Variants in CNOT6 observed in about 807,000 individuals in gnomAD.
CNOT6 encodes carbon catabolite repression 4 protein.
Under a neutral mutation model 61.2 loss-of-function variants are expected in CNOT6, and 12 were observed. That is an observed-to-expected ratio of 0.20 (90% CI 0.13 to 0.32). CNOT6 has a LOEUF of 0.32. Ranked by LOEUF, CNOT6 falls within the 10% of genes least tolerant of loss-of-function variation. CNOT6 has a pLI of 1.00. For missense variants in CNOT6, 405 were observed against 663.9 expected, an observed-to-expected ratio of 0.61 and a Z score of 4.28; for synonymous variants, 225 against 240.6, an observed-to-expected ratio of 0.94 and a Z score of 0.60.
intron 2 of CNOT6, among the ~76,000 whole-genome samples, chr5:180,541,966 T>C (rs1307335491): frequency 6.6e-6 from 1 of 151,982 alleles, no homozygotes; most frequent in Admixed American, 6.6e-5. Flanking sequence ...GCAATCCTTC[T>C]GCCTTCCTAG....
At chr5:180,529,937 A>G (rs189215238) in intron 2 of CNOT6, among the ~76,000 whole-genome samples, 2 of 152,332 alleles carry the variant, frequency 1.3e-5, no homozygotes, top group Admixed American at 1.3e-4. Flanking sequence ...TTTTAATGCA[A>G]TCTGGACATA....
At chr5:180,496,794 C>T (rs1756632928) in intron 1 of CNOT6, among the ~76,000 whole-genome samples, 1 of 152,180 alleles carries the variant, frequency 6.6e-6, no homozygotes, top group South Asian at 2.1e-4. Context: ...GAAAGTCAAT[C>T]ATTAGGTAAT....
intron 2 of CNOT6, among the ~76,000 whole-genome samples, chr5:180,533,927 G>A (rs550955291): frequency 1.3e-5 from 2 of 152,208 alleles, no homozygotes; most frequent in South Asian, 2.1e-4. Context: ...TATGGCTTAG[G>A]TGGTGGCATG....
intron 2 of CNOT6, among the ~76,000 whole-genome samples, chr5:180,541,131 T>C (rs1339502615): frequency 6.6e-6 from 1 of 152,064 alleles, no homozygotes; most frequent in African/African-American, 2.4e-5. Context: ...TCTTTTTAAA[T>C]TAAATTAAGA....
intron 1 of CNOT6, among the ~76,000 whole-genome samples, chr5:180,511,726 A>G (rs905163789): frequency 1.3e-5 from 2 of 151,910 alleles, no homozygotes; most frequent in African/African-American, 2.4e-5. Flanking sequence ...TGATTGTGCT[A>G]CTACACTCCA....
chr5:180,516,402 G>A (rs1053336419), intron 1 of CNOT6, among the ~76,000 whole-genome samples: 2 of 151,988 alleles, frequency 1.3e-5, no homozygotes, highest in Admixed American at 6.6e-5. Flanking sequence ...GGATGGTCTC[G>A]ATCTCCCAAC....
In CNOT6 at chr5:180,567,150, T is replaced by C. The variant is rs1218571971; in HGVS notation, c.780T>C (p.Asn260=). Residue 260 remains asparagine, a synonymous_variant, in exon 8 of 12, where the codon AAT becomes AAC. Coordinates refer to ENST00000261951, the MANE Select transcript of CNOT6 (RefSeq NM_001370472.1). ...TAGAGCTGAAAGAACGTGGCTATAA[T>C]GGATTCTTCAGTCCTAAGTCTAGAG... ...FLVELKERGY[N]GFFSPKSRAR... 5 of 1,614,026 alleles carry C rather than the reference T, an allele frequency of 3.1e-6. 1 individual carries two copies. In the South Asian group the frequency reaches 5.5e-5, roughly 18 times the overall value.
intron 1 of CNOT6, among the ~76,000 whole-genome samples, chr5:180,519,878 A>G (rs2127712403): frequency 7.1e-6 from 1 of 140,922 alleles, no homozygotes; most frequent in Non-Finnish European, 1.5e-5. Context: ...TCTATTGCCT[A>G]GCTGGAGTAC....
chr5:180,549,499 A>C (rs920115331), intron 2 of CNOT6, among the ~76,000 whole-genome samples: 69 of 152,058 alleles, frequency 4.5e-4, no homozygotes, highest in African/African-American at 1.5e-3. Flanking sequence ...AATAGAGAAA[A>C]ATTAGCCGGG....
intron 2 of CNOT6, among the ~76,000 whole-genome samples, chr5:180,536,006 T>G (rs1282518671): frequency 2.3e-5 from 3 of 129,440 alleles, no homozygotes; most frequent in Non-Finnish European, 4.9e-5. Context: ...TTTTTTTTTT[T>G]TTTTTTTTTT....
chr5:180,571,063 G>T (rs185062572), intron 10 of CNOT6, among the ~76,000 whole-genome samples, 167 bp from the exon 11 acceptor site: 1 of 152,214 alleles, frequency 6.6e-6, no homozygotes. Context: ...TCAATACTCT[G>T]TGATGACAAC....
At chr5:180,501,469 A>T (rs989131417) in intron 1 of CNOT6, among the ~76,000 whole-genome samples, 1 of 152,190 alleles carries the variant, frequency 6.6e-6, no homozygotes, top group South Asian at 2.1e-4. Context: ...ACTTAGGTGG[A>T]TATGTCTAAC....
intron 4 of CNOT6, among the ~76,000 whole-genome samples, chr5:180,560,075 G>C (rs1760089489): frequency 6.6e-6 from 1 of 151,466 alleles, no homozygotes; most frequent in Non-Finnish European, 1.5e-5. Context: ...TGCCTTCCAA[G>C]TAGCTGGGAT....
In CNOT6 at chr5:180,565,804, G is replaced by GT; in HGVS notation, c.560-14dup. The GT allele has an allele frequency of 6.5e-7, 1 of 1,549,194 alleles. No individual in the cohort carries two copies. The highest frequency in any genetic ancestry group is 8.7e-7 in the Non-Finnish European group (1 of 1,144,132). On this transcript the variant is annotated splice_polypyrimidine_tract_variant and intron_variant, in intron 6 of 11. Coordinates refer to ENST00000261951, the MANE Select transcript of CNOT6 (RefSeq NM_001370472.1). ...TCTGCCACATGTGTGAATAAGTAAA[G>GT]TTATCTTTCCTACAGCCTTGTTTTC...
At chr5:180,556,617 T>G (rs1759904948) in intron 4 of CNOT6, among the ~76,000 whole-genome samples, 1 of 152,204 alleles carries the variant, frequency 6.6e-6, no homozygotes, top group Admixed American at 6.5e-5. Context: ...ACACCTACTT[T>G]GTTCCTGCCC....
intron 2 of CNOT6, among the ~76,000 whole-genome samples, chr5:180,532,735 C>G (rs149932640): frequency 6.6e-6 from 1 of 152,332 alleles, no homozygotes; most frequent in Non-Finnish European, 1.5e-5. Context: ...CATGTTTGGG[C>G]CTCTAGAGCT....
chr5:180,495,487 C>T (rs151331992), intron 1 of CNOT6: 186 of 152,338 alleles, frequency 1.2e-3, no homozygotes, highest in African/African-American at 4.3e-3. Flanking sequence ...CCCGAAGAGC[C>T]TGCTAACCAA....
At chr5:180,536,675 A>G (rs1758716280) in intron 2 of CNOT6, among the ~76,000 whole-genome samples, 1 of 152,114 alleles carries the variant, frequency 6.6e-6, no homozygotes, top group Non-Finnish European at 1.5e-5. Context: ...CAGTGATGCC[A>G]TCTCGGCTCA....
At chr5:180,565,256 C>A (rs929875882) in intron 6 of CNOT6, among the ~76,000 whole-genome samples, 3 of 152,166 alleles carry the variant, frequency 2.0e-5, no homozygotes, top group Admixed American at 1.3e-4. Context: ...TTGACACTAC[C>A]GAGTTATAAG....
Sources: gnomAD v4.1 joint callset for allele counts (sites outside exome capture counted in the v4.1 genomes callset) on GRCh38, gnomAD v4.1.1 for gene constraint, MANE v1.5 for transcripts, NCBI Gene and HGNC (gene_info 2026-07-23, HGNC 2026-07-21) for gene names.